The following MMP12 variants were observed in gnomAD, a reference collection of about 807,000 sequenced individuals.
MMP12 encodes the protein matrix metallopeptidase 12, also known as macrophage metalloelastase.
In MMP12, 51 loss-of-function variants were observed where a neutral mutation model predicts 45.2. The ratio of observed to expected loss-of-function variants is 1.13; its 90% CI spans 0.90 to 1.42. The LOEUF is 1.42. Among genes scored for constraint, MMP12 ranks in the 40% most tolerant of loss-of-function variants. MMP12 has a pLI of 0.00. For synonymous variants in MMP12, 210 were observed against 193.3 expected, an observed-to-expected ratio of 1.09 and a Z score of -0.72; for missense variants, 530 against 570.8, an observed-to-expected ratio of 0.93 and a Z score of 0.73.
At chr11:102,867,156 G>T (rs1181367020) in intron 6 of MMP12, 114 bp downstream of exon 6, 5 of 967,498 alleles carry the variant, frequency 5.2e-6, no homozygotes, top group Non-Finnish European at 7.3e-6. Flanking sequence ...TCGAGTCCAA[G>T]TTCCTGCTTA....
At position 102,872,856 on chromosome 11, in the gene MMP12, C is replaced by T; in HGVS notation, c.350+9G>A. On this transcript the variant is annotated intron_variant, in intron 2 of 9. Transcript: ENST00000571244. ...TAGAAAAATACAGGGCGACATACAC[C>T]AACGTTACCTGTAGGTGATATAATG... is the stretch of plus-strand genomic sequence containing the variant. The T allele has an allele frequency of 1.9e-6, 3 of 1,613,116 alleles. No homozygotes were observed. The highest frequency in any genetic ancestry group is 2.5e-6 in the Non-Finnish European group (3 of 1,179,612).
rs142610870 is a variant in MMP12 at position 102,871,591 on chromosome 11, C to G, written c.625+3G>C. On this transcript the variant is annotated splice_donor_region_variant and intron_variant, in intron 4 of 9. Transcript: ENST00000571244. ...TGTTTGTTTGTTTGTTTGTTTTGCCCACCTCCTGAATGTGTAGTCCAGAAT... is the reference window on the plus strand; with the variant it reads ...TGTTTGTTTGTTTGTTTGTTTTGCCGACCTCCTGAATGTGTAGTCCAGAAT... 6.4e-7 allele frequency: 1 copy of G among 1,551,500 alleles called. No individual in the cohort carries two copies. The highest frequency in any genetic ancestry group is 8.7e-7 in the Non-Finnish European group (1 of 1,147,022).
intron 4 of MMP12, among the ~76,000 whole-genome samples, chr11:102,870,591 A>G (rs1399822080): frequency 1.3e-5 from 2 of 152,206 alleles, no homozygotes; most frequent in African/African-American, 4.8e-5. Context: ...TAGAAAAATT[A>G]AGAAGGCTTC....
chr11:102,870,127 C>T (rs1302153842), intron 4 of MMP12, among the ~76,000 whole-genome samples: 2 of 152,152 alleles, frequency 1.3e-5, no homozygotes, highest in Non-Finnish European at 2.9e-5. Context: ...AGCCACTAAC[C>T]TTCTCTTTGT....
At chr11:102,872,488 G>C (rs781789894) in intron 2 of MMP12, among the ~76,000 whole-genome samples, 2 of 151,950 alleles carry the variant, frequency 1.3e-5, no homozygotes, top group Non-Finnish European at 2.9e-5. Flanking sequence ...CTACAGGTGC[G>C]CGCCACCACG....
chr11:102,872,749 C>A lies in MMP12; in HGVS notation c.350+116G>T, dbSNP rs950341153. ...TGAATTTTAGCAGAGATAGCATTAA[C>A]AATGGAGGGAGGTTACTTTATCTAC... On this transcript the variant is annotated intron_variant, in intron 2 of 9. Transcript: ENST00000571244. 5.0e-4 allele frequency: 555 copies of A among 1,103,804 alleles called. 4 individuals carry two copies. The highest frequency in any genetic ancestry group is 1.9e-5 in the Non-Finnish European group (15 of 789,016). 68.4% of individuals were successfully genotyped at this position (1,103,804 alleles called of 1,614,324 possible).
intron 4 of MMP12, 129 bp downstream of exon 4, chr11:102,871,465 T>A (rs1311550699): frequency 8.3e-7 from 1 of 1,202,688 alleles, no homozygotes; most frequent in Non-Finnish European, 1.1e-6. Flanking sequence ...AGAACAAGAT[T>A]TTCCATCATA....
At chr11:102,866,180 C>T (rs1330148792) in intron 7 of MMP12, 135 bp downstream of exon 7, 1 of 992,198 alleles carries the variant, frequency 1.0e-6, no homozygotes, top group Non-Finnish European at 1.4e-6. Flanking sequence ...TTTTAGTTTA[C>T]ACTTCAGAGC....
intron 7 of MMP12, 146 bp downstream of exon 7, chr11:102,866,169 A>G (rs1555008512): frequency 1.1e-6 from 1 of 925,100 alleles, no homozygotes; most frequent in Non-Finnish European, 1.6e-6. Flanking sequence ...TATTTAGGCT[A>G]TTTTAGTTTA....
intron 2 of MMP12, among the ~76,000 whole-genome samples, chr11:102,872,247 A>G (rs988761015): frequency 2.3e-4 from 35 of 152,182 alleles, no homozygotes; most frequent in African/African-American, 8.2e-4. Context: ...GCATTTATCC[A>G]TCTTGACTAC....
chr11:102,866,520 G>A, intron 6 of MMP12, 72 bp from the exon 7 acceptor site: 4 of 1,505,910 alleles, frequency 2.7e-6, no homozygotes, highest in Non-Finnish European at 3.6e-6. Context: ...TGAATGGGAG[G>A]GAACTGTGAA....
At chr11:102,871,399 G>T (rs1464250105) in intron 4 of MMP12, among the ~76,000 whole-genome samples, 195 bp downstream of exon 4, 1 of 152,142 alleles carries the variant, frequency 6.6e-6, no homozygotes, top group African/African-American at 2.4e-5. Context: ...TTTACAGAGA[G>T]TAAAATTGAG....
intron 9 of MMP12, 24 bp from the exon 10 acceptor site, chr11:102,863,224 A>T: frequency 8.1e-7 from 1 of 1,239,126 alleles, no homozygotes; most frequent in Non-Finnish European, 1.2e-6. Flanking sequence ...CAAATTAAAT[A>T]GTTTAATTCC....
At position 102,867,919 on chromosome 11, in the gene MMP12, T is replaced by C. The variant is rs1555008816; in HGVS notation, c.776A>G (p.Gln259Arg). 3 of 1,609,602 alleles carry C rather than the reference T, an allele frequency of 1.9e-6. No individual in the cohort carries two copies. Among genetic ancestry groups the C allele is most frequent in the Admixed American group, 3.4e-5 (2 of 59,432 alleles). The change falls in exon 5 of 10, where the codon CAG becomes CGG. Residue 259 changes from glutamine (Q) to arginine (R), a missense_variant. By Grantham distance (43) the Gln-to-Arg change is conservative (BLOSUM62 1). Coordinates refer to ENST00000571244, the MANE Select transcript of MMP12 (RefSeq NM_002426.6). ...AGAATTCAACTCACCATACAGGGACTGAATGCCACGTATGTCATCAGCAGA... is the reference window on the plus strand; with the variant it reads ...AGAATTCAACTCACCATACAGGGACCGAATGCCACGTATGTCATCAGCAGA... ...RLSADDIRGI[Q>R]SLYGDPKENQ...
chr11:102,872,736 G>T (rs1328689605), intron 2 of MMP12, 129 bp downstream of exon 2: 5 of 991,628 alleles, frequency 5.0e-6, no homozygotes, highest in East Asian at 2.6e-5. Flanking sequence ...AATTTTAGCA[G>T]AGATAGCATT....
intron 4 of MMP12, among the ~76,000 whole-genome samples, chr11:102,868,397 C>T (rs1859435585): frequency 6.6e-6 from 1 of 152,156 alleles, no homozygotes; most frequent in African/African-American, 2.4e-5. Context: ...GACCTCTGTA[C>T]TAGTAGACAA....
Position 102,865,012 on chromosome 11 carries a change from C to A in MMP12, c.1206-760G>T, listed in dbSNP as rs1555008324. ...AGCAAACTACACCCATTTGTGAGCT[C>A]TTTGGAAAGTGTTATTTGCTAAAAT... On this transcript the variant is annotated intron_variant, in intron 8 of 9. Transcript: ENST00000571244. The surrounding 1 kb of genome is among the most constrained non-coding windows in gnomAD (Gnocchi z 4.1). Among the ~76,000 whole-genome samples the A allele has an allele frequency of 6.6e-6, 1 of 152,172 alleles. No individual in the cohort carries two copies. The highest frequency in any genetic ancestry group is 1.5e-5 in the Non-Finnish European group (1 of 68,030).
chr11:102,871,880 C>T lies in MMP12; in HGVS notation c.423G>A (p.Trp141Ter), dbSNP rs1859504351. 1 of 1,613,830 alleles carries T rather than the reference C, an allele frequency of 6.2e-7. No homozygotes were observed. Among genetic ancestry groups the T allele is most frequent in the Non-Finnish European group, 8.5e-7 (1 of 1,179,800 alleles). Residue 141 changes from tryptophan to a stop codon, truncating the protein, a stop_gained, in exon 3 of 10, where the codon TGG becomes TGA. Coordinates refer to ENST00000571244, the MANE Select transcript of MMP12 (RefSeq NM_002426.6). LOFTEE classifies it high-confidence loss of function. ...TGAATTTCAAGGGGGTAACATTACT[C>T]CATACTTGGAAAGCTTTCCGGATTG... is the stretch of plus-strand genomic sequence containing the variant. ...DYAIRKAFQV[W>*]SNVTPLKFSK...
intron 5 of MMP12, 80 bp downstream of exon 5, chr11:102,867,828 T>C: frequency 7.1e-7 from 1 of 1,418,390 alleles, no homozygotes; most frequent in East Asian, 2.5e-5. Context: ...TATTAACGTT[T>C]TATCCAAATA....
Sources: gnomAD v4.1 joint callset for allele counts (sites outside exome capture counted in the v4.1 genomes callset) on GRCh38, gnomAD v4.1.1 for gene constraint, Gnocchi (gnomAD v3.1) non-coding constraint, MANE v1.5 for transcripts, NCBI Gene and HGNC (gene_info 2026-07-23, HGNC 2026-07-21) for gene names.